The following PPIE variants were observed in gnomAD, a reference collection of about 807,000 sequenced individuals.
PPIE encodes peptidyl-prolyl cis-trans isomerase E.
PPIE carries 20 observed loss-of-function variants against 38.4 expected under a neutral mutation model. The ratio of observed to expected loss-of-function variants is 0.52; its 90% CI spans 0.37 to 0.76. PPIE has a LOEUF of 0.76. Among genes scored for constraint, PPIE ranks in the 30% least tolerant of loss-of-function variants. The pLI is 0.00. For synonymous variants in PPIE, 142 were observed against 135.7 expected (o/e 1.05, Z -0.32); for missense variants, 322 against 385.8 (o/e 0.83, Z 1.39).
chr1:39,741,222 A>C (rs1647049207), intron 2 of PPIE, 144 bp from the exon 3 acceptor site: 1 of 685,592 alleles, frequency 1.5e-6, no homozygotes, highest in African/African-American at 1.8e-5. Context: ...AGAATCAAGA[A>C]TGAGATTCCT....
chr1:39,741,908 C>G lies in PPIE; in HGVS notation c.188C>G (p.Ala63Gly). 1.2e-6 allele frequency: 2 copies of G among 1,614,222 alleles called. No homozygotes were observed. The highest frequency in any genetic ancestry group is 1.7e-6 in the Non-Finnish European group (2 of 1,180,038). The change falls in exon 4 of 10, where the codon GCT becomes GGT. Residue 63 changes from alanine (A) to glycine (G), a missense_variant. Transcript: ENST00000324379. ...EFELAEDAAAAIDNMNESELF... is the reference protein window; with the variant it reads ...EFELAEDAAAGIDNMNESELF... ...TTTCCTTGGCAGGATGCTGCAGCAG[C>G]TATCGACAACATGGTATGGCTGGGA...
chr1:39,757,201 T>C (rs1648370823), downstream of PPIE: 1 of 152,270 alleles, frequency 6.6e-6, no homozygotes, highest in East Asian at 1.9e-4. Context: ...CATTTTGGTT[T>C]AATGGACAGA....
rs1648292281 is a variant in PPIE, at chr1:39,756,548, C to T, written c.*3193C>T. 3 of 985,266 alleles carry T rather than the reference C, an allele frequency of 3.0e-6. No homozygotes were observed. The highest frequency in any genetic ancestry group is 1.7e-5 in the African/African-American group (1 of 57,218). The allele number at this position is 985,266 out of a possible 1,614,324, so 61.0% of individuals were successfully genotyped here. ...ATCTGTTGCAGTCATGGCAGCCTCA[C>T]GGCAACCTCTGAAGAAGGAATTATA... On this transcript the variant is annotated 3_prime_UTR_variant, in exon 10 of 10. Transcript: ENST00000324379.
At chr1:39,742,010 A>C in intron 4 of PPIE, 89 bp downstream of exon 4, 1 of 1,439,190 alleles carries the variant, frequency 6.9e-7, no homozygotes. Flanking sequence ...GGACTTCCAA[A>C]GTTACAAGGT....
At chr1:39,741,152 CTAT>C (rs1328933325) in intron 2 of PPIE, among the ~76,000 whole-genome samples, 2 of 152,148 alleles carry the variant, frequency 1.3e-5, no homozygotes, top group Non-Finnish European at 2.9e-5. Flanking sequence ...ATACAGTTTA[CTAT>C]TCAGCTATGT....
chr1:39,760,401 T>C (rs769227641), downstream of PPIE: 3 of 1,613,092 alleles, frequency 1.9e-6, no homozygotes, highest in Admixed American at 3.3e-5. Context: ...TGGCTGCAGC[T>C]GGGCCGGGCG....
chr1:39,760,586 A>G (rs759851327), downstream of PPIE: 7 of 1,611,930 alleles, frequency 4.3e-6, no homozygotes, highest in South Asian at 5.5e-5. Context: ...GGAAGAGGGC[A>G]CAGGCAGGGG....
intron 3 of PPIE, chr1:39,741,634 G>T (rs1349525162): frequency 4.8e-6 from 3 of 623,996 alleles, no homozygotes; most frequent in East Asian, 5.5e-5. Flanking sequence ...CTGCAGAGGA[G>T]CTAGCTCATG....
intron 8 of PPIE, among the ~76,000 whole-genome samples, chr1:39,749,856 G>A (rs1032383087): frequency 6.6e-6 from 1 of 152,152 alleles, no homozygotes; most frequent in Non-Finnish European, 1.5e-5. Flanking sequence ...TCCGGTTGCC[G>A]GGTGCAGTGG....
At position 39,753,437 on chromosome 1, in the gene PPIE, C is replaced by T. The variant is rs569430471; in HGVS notation, c.*82C>T. ...CTGCCAGCCTCAGAGGAGGCAGCAC[C>T]GAGGGTGCCTGTTTGAAGCAAGCAG... On this transcript the variant is annotated 3_prime_UTR_variant, in exon 10 of 10. Coordinates refer to ENST00000324379, the MANE Select transcript of PPIE (RefSeq NM_006112.4). The T allele has an allele frequency of 1.8e-5, 28 of 1,569,206 alleles. No homozygotes were observed. Among genetic ancestry groups the T allele is most frequent in the Admixed American group, 1.1e-4 (6 of 54,178 alleles).
downstream of PPIE, chr1:39,759,141 C>G (rs376496822): frequency 3.3e-5 from 5 of 152,306 alleles, no homozygotes; most frequent in East Asian, 5.8e-4. Context: ...CCAGTGGCTG[C>G]TCCAAGGAGA....
At chr1:39,741,204 G>A (rs920049626) in intron 2 of PPIE, among the ~76,000 whole-genome samples, 162 bp from the exon 3 acceptor site, 9 of 152,006 alleles carry the variant, frequency 5.9e-5, no homozygotes, top group African/African-American at 2.2e-4. Context: ...TTAAAATATT[G>A]TATAAGAAGA....
chr1:39,755,364 C>T lies in PPIE; in HGVS notation c.*2009C>T. 1 of 985,458 alleles carries T rather than the reference C, an allele frequency of 1.0e-6. No individual in the cohort carries two copies. Among genetic ancestry groups the T allele is most frequent in the Non-Finnish European group, 1.2e-6 (1 of 829,936 alleles). The allele number at this position is 985,458 out of a possible 1,614,324, so 61.0% of individuals were successfully genotyped here. A position where few individuals can be genotyped will look rare whatever the true frequency, so the allele number is the denominator to read the frequency against. On this transcript the variant is annotated 3_prime_UTR_variant, in exon 10 of 10. Coordinates refer to ENST00000324379, the MANE Select transcript of PPIE (RefSeq NM_006112.4). ...GTGGCATTCTGCCCTACCTCTGGCT[C>T]CCATGTGCCGACTGGACTTTGTGAG... is the stretch of plus-strand genomic sequence containing the variant.
At chr1:39,744,322 A>G (rs1171079676) in intron 6 of PPIE, among the ~76,000 whole-genome samples, 1 of 152,212 alleles carries the variant, frequency 6.6e-6, no homozygotes, top group Non-Finnish European at 1.5e-5. Flanking sequence ...GAGGGGAGAC[A>G]GAATAGGGTA....
intron 2 of PPIE, among the ~76,000 whole-genome samples, chr1:39,740,809 G>A (rs1020853848): frequency 2.6e-5 from 4 of 152,186 alleles, no homozygotes; most frequent in African/African-American, 4.8e-5. Context: ...ATGATTGTTA[G>A]CAAAGTCTTT....
intron 3 of PPIE, chr1:39,741,654 T>A (rs1647060749): frequency 1.6e-6 from 1 of 624,420 alleles, no homozygotes; most frequent in Non-Finnish European, 2.8e-6. Flanking sequence ...GCACCCCTGT[T>A]CATTGAGCAT....
rs1050289065 is a variant in PPIE at position 39,753,276 on chromosome 1, C to G, written c.838-11C>G. 3.7e-5 allele frequency: 59 copies of G among 1,613,716 alleles called. No individual in the cohort carries two copies. The highest frequency in any genetic ancestry group is 4.8e-5 in the Non-Finnish European group (57 of 1,179,834). On this transcript the variant is annotated splice_polypyrimidine_tract_variant and intron_variant, in intron 9 of 9. Coordinates refer to ENST00000324379, the MANE Select transcript of PPIE (RefSeq NM_006112.4). ...CCGGCCTTACTCCCTCACTTCTATT[C>G]TGCCACAAAGGCCCAGGGCAGCAAG... is the stretch of plus-strand genomic sequence containing the variant.
chr1:39,745,628 A>AG, intron 7 of PPIE, 130 bp downstream of exon 7: 2 of 1,425,036 alleles, frequency 1.4e-6, no homozygotes, highest in South Asian at 1.3e-5. Context: ...GAGGCATCTC[A>AG]GATCCTGGGA....
chr1:39,752,902 TC>T lies in PPIE; in HGVS notation c.695-5del. ...GTTCGGGGAGCTGATGGTTGTTCTC[TC>T]CCTCAGGTCTACTATCCATGGCCAA... is the stretch of plus-strand genomic sequence containing the variant. On this transcript the variant is annotated splice_region_variant and splice_polypyrimidine_tract_variant and intron_variant, in intron 8 of 9. Transcript: ENST00000324379. 7 of 1,610,788 alleles carry T rather than the reference TC, an allele frequency of 4.3e-6. No individual in the cohort carries two copies. Among genetic ancestry groups the T allele is most frequent in the Non-Finnish European group, 5.9e-6 (7 of 1,178,866 alleles).
Sources: allele counts gnomAD v4.1 joint callset (sites outside exome capture counted in the v4.1 genomes callset), GRCh38; gene constraint gnomAD v4.1.1; transcripts MANE v1.5; gene names NCBI Gene and HGNC (gene_info 2026-07-23, HGNC 2026-07-21).